KIRREL3: variants seen among roughly 807,000 people sequenced by gnomAD.
KIRREL3 encodes the protein kin of IRRE-like protein 3.
In KIRREL3, 36 loss-of-function variants were observed where a neutral mutation model predicts 89.7. That is an observed-to-expected ratio of 0.40 (90% CI 0.31 to 0.53). The LOEUF is 0.53. Among genes scored for constraint, KIRREL3 ranks in the 20% least tolerant of loss-of-function variants. KIRREL3 has a pLI of 0.49. For synonymous variants in KIRREL3, 445 were observed against 441.4 expected (o/e 1.01, Z -0.10); for missense variants, 864 against 1,056.6 (o/e 0.82, Z 2.53).
At chr11:126,959,965 G>A (rs1949038200) in intron 1 of KIRREL3, among the ~76,000 whole-genome samples, 1 of 151,972 alleles carries the variant, frequency 6.6e-6, no homozygotes, top group Non-Finnish European at 1.5e-5. Flanking sequence ...ACTCCTTCTG[G>A]GTAGGAATCC....
At position 126,872,015 on chromosome 11, in the gene KIRREL3, A is replaced by G. The variant is rs1203748078; in HGVS notation, c.55+128440T>C. ...GTACTTAATGCAGACAGTGGCTATG[A>G]GGTAGGAAATCAGCAGAGCTTGTTT... On this transcript the variant is annotated intron_variant, in intron 1 of 16. Transcript: ENST00000525144. This position sits in a 1 kb window ranked among gnomAD's most constrained non-coding sequence, Gnocchi z 4.2. Among the ~76,000 whole-genome samples, 1 of 152,186 alleles carries G rather than the reference A, an allele frequency of 6.6e-6. No individual in the cohort carries two copies. The highest frequency in any genetic ancestry group is 1.5e-5 in the Non-Finnish European group (1 of 68,028).
At position 126,985,289 on chromosome 11, in the gene KIRREL3, A is replaced by G. The variant is rs1949829923; in HGVS notation, c.55+15166T>C. 6.6e-6 allele frequency among the ~76,000 whole-genome samples: 1 copy of G among 152,102 alleles called. No homozygotes were observed. Among genetic ancestry groups the G allele is most frequent in the South Asian group, 2.1e-4 (1 of 4,818 alleles). ...CTCTTTTCCCATGTAAGAAATACTGATTGTATCTGACTCTGCGCCCAAGTC... is the reference window on the plus strand; with the variant it reads ...CTCTTTTCCCATGTAAGAAATACTGGTTGTATCTGACTCTGCGCCCAAGTC... On this transcript the variant is annotated intron_variant, in intron 1 of 16. Coordinates refer to ENST00000525144, the MANE Select transcript of KIRREL3 (RefSeq NM_032531.4). This position sits in a 1 kb window ranked among gnomAD's most constrained non-coding sequence, Gnocchi z 5.3.
rs1467256475 is a variant in KIRREL3, at chr11:126,501,981, A to G, written c.433+19334T>C. On this transcript the variant is annotated intron_variant, in intron 4 of 16. Coordinates refer to ENST00000525144, the MANE Select transcript of KIRREL3 (RefSeq NM_032531.4). The surrounding 1 kb of genome is among the most constrained non-coding windows in gnomAD (Gnocchi z 5.8). ...AGCCATTACATAATTGTTTGCAAGC[A>G]GGCAAACAGGCATAAACTGACCAGG... Among the ~76,000 whole-genome samples the G allele has an allele frequency of 6.6e-6, 1 of 152,234 alleles. No homozygotes were observed. The highest frequency in any genetic ancestry group is 2.4e-5 in the African/African-American group (1 of 41,472).
At chr11:126,794,529 G>A (rs1432730047) in intron 1 of KIRREL3, among the ~76,000 whole-genome samples, 1 of 152,218 alleles carries the variant, frequency 6.6e-6, no homozygotes, top group Non-Finnish European at 1.5e-5. Flanking sequence ...TCACATGAGA[G>A]AATATAGGGA....
At chr11:126,458,200 A>G (rs2155308) in intron 6 of KIRREL3, among the ~76,000 whole-genome samples, 58,913 of 152,162 alleles carry the variant, frequency 0.39, 11,742 homozygotes, top group Admixed American at 0.47. Flanking sequence ...CAACAAGCAG[A>G]GCAAATTGCT....
rs944515101 is a variant in KIRREL3 at position 126,723,861 on chromosome 11, T to G, written c.56-160949A>C. 2.6e-5 allele frequency among the ~76,000 whole-genome samples: 4 copies of G among 152,206 alleles called. No homozygotes were observed. The highest frequency in any genetic ancestry group is 2.9e-5 in the Non-Finnish European group (2 of 68,038). On this transcript the variant is annotated intron_variant, in intron 1 of 16. Transcript: ENST00000525144. The surrounding 1 kb of genome is among the most constrained non-coding windows in gnomAD (Gnocchi z 4.0). ...CGAGCAACAAAATACTCAAAATACT[T>G]TAAATGAAGGTAAAAACCATCATTG...
At position 126,693,705 on chromosome 11, in the gene KIRREL3, G is replaced by A. The variant is rs113851215; in HGVS notation, c.56-130793C>T. 5.1e-4 allele frequency among the ~76,000 whole-genome samples: 78 copies of A among 152,270 alleles called. 1 individual carries two copies. Among genetic ancestry groups the A allele is most frequent in the African/African-American group, 1.8e-3 (76 of 41,556 alleles). On this transcript the variant is annotated intron_variant, in intron 1 of 16. Transcript: ENST00000525144. ...ATCTCATTTGTCCACCAGTGATAGC[G>A]TATGTAGCCTTCTACATTAATGTAA...
Position 126,788,726 on chromosome 11 carries a change from T to C in KIRREL3, c.55+211729A>G, listed in dbSNP as rs1381854466. On this transcript the variant is annotated intron_variant, in intron 1 of 16. Transcript: ENST00000525144. The surrounding 1 kb of genome is among the most constrained non-coding windows in gnomAD (Gnocchi z 4.1). The stretch of plus-strand genomic sequence containing the variant: ...TACAATTGCTATCAAAGGAACTGAT[T>C]GTTTTGATCTGGAAGCCGTCAGAGT... Among the ~76,000 whole-genome samples the C allele has an allele frequency of 6.6e-6, 1 of 152,160 alleles. No homozygotes were observed. Among genetic ancestry groups the C allele is most frequent in the Non-Finnish European group, 1.5e-5 (1 of 68,036 alleles).
chr11:126,446,075 G>C (rs1955785820), intron 9 of KIRREL3, among the ~76,000 whole-genome samples: 1 of 151,388 alleles, frequency 6.6e-6, no homozygotes, highest in Non-Finnish European at 1.5e-5. Context: ...TTGAACCCGG[G>C]AGGCGGAGTT....
At chr11:126,534,817 GCTGAGCAGGCAGGGC>G (rs143489028) in intron 2 of KIRREL3, among the ~76,000 whole-genome samples, 1,896 of 152,336 alleles carry the variant, frequency 0.012, 39 homozygotes, top group African/African-American at 0.043. Context: ...AGGTCGAGGT[GCTGAGCAGGCAGGGC>G]CTTTTGCAGC....
In KIRREL3 at chr11:126,891,801, A is replaced by C. The variant is rs1284968876; in HGVS notation, c.55+108654T>G. Among the ~76,000 whole-genome samples, 1 of 152,212 alleles carries C rather than the reference A, an allele frequency of 6.6e-6. No individual in the cohort carries two copies. Among genetic ancestry groups the C allele is most frequent in the Non-Finnish European group, 1.5e-5 (1 of 68,026 alleles). ...TCCGGTGACAGCAGCAGTGGACACA[A>C]TCCAGGACTTCCCAGTGAGGTCTGT... is the stretch of plus-strand genomic sequence containing the variant. On this transcript the variant is annotated intron_variant, in intron 1 of 16. Coordinates refer to ENST00000525144, the MANE Select transcript of KIRREL3 (RefSeq NM_032531.4). The surrounding 1 kb of genome is among the most constrained non-coding windows in gnomAD (Gnocchi z 5.1).
intron 1 of KIRREL3, among the ~76,000 whole-genome samples, chr11:126,743,872 G>GAGCTT (rs1376305850): frequency 6.6e-6 from 1 of 152,172 alleles, no homozygotes; most frequent in Admixed American, 6.5e-5. Context: ...AGTGTGTGTG[G>GAGCTT]TATGTATATG....
At chr11:126,494,938 C>G (rs548354494) in intron 4 of KIRREL3, among the ~76,000 whole-genome samples, 3 of 152,186 alleles carry the variant, frequency 2.0e-5, no homozygotes, top group African/African-American at 7.2e-5. Context: ...CTGAGGGATG[C>G]GGGTGGCGTG....
Position 126,607,329 on chromosome 11 carries a change from G to T in KIRREL3, c.56-44417C>A, listed in dbSNP as rs759146835. On this transcript the variant is annotated intron_variant, in intron 1 of 16. Transcript: ENST00000525144. The surrounding 1 kb of genome is among the most constrained non-coding windows in gnomAD (Gnocchi z 6.6). ...GTGTGGTTTTGGGCAGACAGAACGG[G>T]TTTCTTATGGCTGGGGCTGCTTTCT... Among the ~76,000 whole-genome samples the T allele has an allele frequency of 5.3e-5, 8 of 152,220 alleles. No homozygotes were observed. Among genetic ancestry groups the T allele is most frequent in the Non-Finnish European group, 8.8e-5 (6 of 68,048 alleles).
At chr11:126,919,558 C>G (rs1210838520) in intron 1 of KIRREL3, among the ~76,000 whole-genome samples, 1 of 152,218 alleles carries the variant, frequency 6.6e-6, no homozygotes, top group Non-Finnish European at 1.5e-5. Flanking sequence ...AAGCCTGATT[C>G]TCTGGCTGGA....
At position 126,812,699 on chromosome 11, in the gene KIRREL3, G is replaced by A. The variant is rs1395745460; in HGVS notation, c.55+187756C>T. Reference sequence around the variant, plus strand: ...CATACAGCACCACACTGGGCGTCAGGGTCCTTTTGTTGGGATGAGTGGCTC... The same window carrying A: ...CATACAGCACCACACTGGGCGTCAGAGTCCTTTTGTTGGGATGAGTGGCTC... On this transcript the variant is annotated intron_variant, in intron 1 of 16. Transcript: ENST00000525144. The surrounding 1 kb of genome is among the most constrained non-coding windows in gnomAD (Gnocchi z 5.2). Among the ~76,000 whole-genome samples the A allele has an allele frequency of 6.6e-6, 1 of 152,174 alleles. No individual in the cohort carries two copies. Among genetic ancestry groups the A allele is most frequent in the African/African-American group, 2.4e-5 (1 of 41,440 alleles).
At chr11:126,483,986 C>A (rs938538744) in intron 4 of KIRREL3, among the ~76,000 whole-genome samples, 8 of 152,356 alleles carry the variant, frequency 5.3e-5, no homozygotes, top group African/African-American at 1.9e-4. Flanking sequence ...ATGTGCCCGC[C>A]TCAGCAGGTA....
rs1402722398 is a variant in KIRREL3 at position 126,685,511 on chromosome 11, G to GATAATTAATAATAATTAATTAATA, written c.56-122600_56-122599insTATTAATTAATTATTATTAATTAT. Among the ~76,000 whole-genome samples, 4 of 152,124 alleles carry GATAATTAATAATAATTAATTAATA rather than the reference G, an allele frequency of 2.6e-5. No individual in the cohort carries two copies. Among genetic ancestry groups the GATAATTAATAATAATTAATTAATA allele is most frequent in the African/African-American group, 9.7e-5 (4 of 41,426 alleles). ...GCCCCCAGTGCATAATAATAGCAGTGATAATTAATAATCTATAGTTAATGA... is the reference window on the plus strand; with the variant it reads ...GCCCCCAGTGCATAATAATAGCAGTGATAATTAATAATAATTAATTAATAATAATTAATAATCTATAGTTAATGA... On this transcript the variant is annotated intron_variant, in intron 1 of 16. Transcript: ENST00000525144. This position sits in a 1 kb window ranked among gnomAD's most constrained non-coding sequence, Gnocchi z 5.5.
intron 1 of KIRREL3, among the ~76,000 whole-genome samples, chr11:126,680,361 C>T (rs996435515): frequency 8.6e-5 from 13 of 151,884 alleles, no homozygotes; most frequent in African/African-American, 3.2e-4. Context: ...CTGATCCATA[C>T]CCATTAGCCC....
Sources: gnomAD v4.1 joint callset for allele counts (sites outside exome capture counted in the v4.1 genomes callset) on GRCh38, gnomAD v4.1.1 for gene constraint, Gnocchi (gnomAD v3.1) non-coding constraint, MANE v1.5 for transcripts, NCBI Gene and HGNC (gene_info 2026-07-23, HGNC 2026-07-21) for gene names.